Variants in ZBTB10 observed in about 807,000 individuals in gnomAD.
ZBTB10 encodes the protein zinc finger and BTB domain containing 10.
ZBTB10 carries 32 observed loss-of-function variants against 76.4 expected under a neutral mutation model. The observed-to-expected ratio is 0.42, with a 90% CI of 0.32 to 0.56. The LOEUF (loss-of-function observed/expected upper bound fraction) is 0.56, where lower values mean the gene tolerates loss of function less well. Among genes scored for constraint, ZBTB10 ranks in the 20% least tolerant of loss-of-function variants. The pLI, the probability that ZBTB10 is intolerant of heterozygous loss-of-function variation, is 0.14. For missense variants in ZBTB10, 1,057 were observed against 1,098.5 expected, an observed-to-expected ratio of 0.96 and a Z score of 0.53; for synonymous variants, 523 against 432.9, an observed-to-expected ratio of 1.21 and a Z score of -2.58.
intron 2 of ZBTB10, among the ~76,000 whole-genome samples, chr8:80,504,827 A>G (rs1816010246): frequency 6.6e-6 from 1 of 152,238 alleles, no homozygotes; most frequent in Non-Finnish European, 1.5e-5. Flanking sequence ...CAAATAAAGT[A>G]GATAACCTGA....
intron 1 of ZBTB10, among the ~76,000 whole-genome samples, chr8:80,493,196 C>CGCGCGCGCGCGT (rs1050135629): frequency 6.6e-5 from 7 of 106,772 alleles, no homozygotes; most frequent in African/African-American, 2.4e-4. Flanking sequence ...CCTCAAAACG[C>CGCGCGCGCGCGT]GCGCGCGCGC....
chr8:80,500,514 A>G (rs1815895164), intron 2 of ZBTB10, 132 bp downstream of exon 2: 2 of 925,056 alleles, frequency 2.2e-6, no homozygotes, highest in Non-Finnish European at 3.1e-6. Context: ...AGAAGGGGGA[A>G]CGTCATTCAA....
intron 5 of ZBTB10, 100 bp downstream of exon 5, chr8:80,519,054 T>C: frequency 7.0e-7 from 1 of 1,438,818 alleles, no homozygotes; most frequent in Non-Finnish European, 9.2e-7. Flanking sequence ...TAAGGAAGAT[T>C]GTCTCCTAAA....
chr8:80,514,842 C>G (rs781231622), intron 3 of ZBTB10, among the ~76,000 whole-genome samples: 5 of 152,226 alleles, frequency 3.3e-5, no homozygotes, highest in African/African-American at 7.2e-5. Context: ...TGGCATACAA[C>G]ATTTCCTATG....
intron 1 of ZBTB10, among the ~76,000 whole-genome samples, chr8:80,493,207 G>GCGCGCGCGCACACACACACACA (rs375071529): frequency 8.0e-6 from 1 of 125,244 alleles, no homozygotes; most frequent in Non-Finnish European, 1.7e-5. Context: ...GCGCGCGCGC[G>GCGCGCGCGCACACACACACACA]CACACACACA....
In ZBTB10 at chr8:80,487,187, G is replaced by C; in HGVS notation, c.377G>C (p.Arg126Pro). The C allele has an allele frequency of 6.5e-7, 1 of 1,536,864 alleles. No homozygotes were observed. Among genetic ancestry groups the C allele is most frequent in the Non-Finnish European group, 8.7e-7 (1 of 1,143,598 alleles). Residue 126 changes from arginine to proline, a missense_variant, in exon 1 of 6, where the codon CGA (arginine) becomes CCA (proline). Physicochemically the swap from Arg to Pro is moderately radical, Grantham distance 103. Around this residue, in one of 5 missense-constraint regions of ZBTB10, gnomAD observed 556 missense variants for 451.7 expected, o/e 1.23. Transcript: ENST00000455036. ...AGGAACCGTCGGACTCTGGCCTTCC[G>C]AGGCGGCGGCGGCGGGGGTCTCGGC... ...AERNRRTLAF[R>P]GGGGGGLGNN...
intron 5 of ZBTB10, 99 bp downstream of exon 5, chr8:80,519,053 T>A: frequency 7.0e-7 from 1 of 1,436,382 alleles, no homozygotes; most frequent in Non-Finnish European, 9.2e-7. Context: ...TTAAGGAAGA[T>A]TGTCTCCTAA....
At chr8:80,498,477 T>G (rs1387480276) in intron 1 of ZBTB10, among the ~76,000 whole-genome samples, 3 of 152,250 alleles carry the variant, frequency 2.0e-5, no homozygotes, top group Non-Finnish European at 4.4e-5. Context: ...GGGAAAGAGA[T>G]GATTACTTCA....
chr8:80,486,250 G>T lies in ZBTB10; in HGVS notation c.-561G>T, dbSNP rs1302865939. 9 of 1,027,448 alleles carry T rather than the reference G, an allele frequency of 8.8e-6. No individual in the cohort carries two copies. The highest frequency in any genetic ancestry group is 1.0e-5 in the Non-Finnish European group (9 of 858,528). The allele number at this position is 1,027,448 out of a possible 1,614,324, so 63.6% of individuals were successfully genotyped here. A position where few individuals can be genotyped will look rare whatever the true frequency, so the allele number is the denominator to read the frequency against. On this transcript the variant is annotated 5_prime_UTR_variant, in exon 1 of 6. Transcript: ENST00000455036. ...CATTTGCCATTCGACCTCCGCCAGGGCCTGGTCGGACGGAAACGCTCCGCC... is the reference window on the plus strand; with the variant it reads ...CATTTGCCATTCGACCTCCGCCAGGTCCTGGTCGGACGGAAACGCTCCGCC...
rs1169965718 is a variant in ZBTB10, at chr8:80,486,990, G to A, written c.180G>A (p.Gly60=). ...PAPPALQPPN[G]RGADEEVELE... ...CGCCCGCGCTTCAGCCGCCTAATGG[G>A]CGGGGGGCCGACGAGGAAGTGGAAT... The change falls in exon 1 of 6, where the codon GGG becomes GGA. Residue 60 remains glycine, a synonymous_variant. Coordinates refer to ENST00000455036, the MANE Select transcript of ZBTB10 (RefSeq NM_001105539.3). 6.6e-7 allele frequency: 1 copy of A among 1,514,640 alleles called. No individual in the cohort carries two copies. Among genetic ancestry groups the A allele is most frequent in the Non-Finnish European group, 8.8e-7 (1 of 1,136,522 alleles). 93.8% of individuals were successfully genotyped at this position (1,514,640 alleles called of 1,614,324 possible).
At chr8:80,486,083 C>A, upstream of ZBTB10, 1 of 998,994 alleles carries the variant, frequency 1.0e-6, no homozygotes, top group Non-Finnish European at 1.3e-6. Context: ...CGCAGCCCAG[C>A]CCCTTTCCCG....
At chr8:80,503,301 G>A (rs1815970540) in intron 2 of ZBTB10, among the ~76,000 whole-genome samples, 1 of 152,100 alleles carries the variant, frequency 6.6e-6, no homozygotes, top group South Asian at 2.1e-4. Context: ...ATTCATATCA[G>A]TTTTCCGGTG....
intron 2 of ZBTB10, among the ~76,000 whole-genome samples, chr8:80,511,534 C>CTG (rs769130806): frequency 1.1e-3 from 170 of 152,260 alleles, no homozygotes; most frequent in Non-Finnish European, 1.9e-3. Context: ...CTTGCCCAGG[C>CTG]TGTAGTATAG....
chr8:80,525,876 A>G lies in ZBTB10; in HGVS notation c.*6348A>G, dbSNP rs1425174805. ...AGTATCATATGGCATGTAGCTATCA[A>G]GCCAGTTTCGTTTAGTTATTTTGTG... On this transcript the variant is annotated 3_prime_UTR_variant, in exon 6 of 6. Transcript: ENST00000455036. 1 of 152,172 alleles carries G rather than the reference A, an allele frequency of 6.6e-6. No individual in the cohort carries two copies. The highest frequency in any genetic ancestry group is 2.4e-5 in the African/African-American group (1 of 41,440). The allele number at this position is 152,172 out of a possible 1,614,324, so 9.4% of individuals were successfully genotyped here.
intron 3 of ZBTB10, among the ~76,000 whole-genome samples, chr8:80,517,600 A>C (rs559455367): frequency 2.0e-5 from 3 of 152,138 alleles, no homozygotes; most frequent in Non-Finnish European, 4.4e-5. Context: ...AGAACTTTAC[A>C]TTTTTAATTA....
At chr8:80,498,530 G>A (rs1323571232) in intron 1 of ZBTB10, among the ~76,000 whole-genome samples, 2 of 152,268 alleles carry the variant, frequency 1.3e-5, no homozygotes, top group East Asian at 3.9e-4. Flanking sequence ...AAGTGCTGGA[G>A]GGATATTCAG....
chr8:80,507,109 A>G (rs1417197385), intron 2 of ZBTB10, among the ~76,000 whole-genome samples: 2 of 151,590 alleles, frequency 1.3e-5, no homozygotes, highest in South Asian at 2.1e-4. Flanking sequence ...AGAGATCGAG[A>G]TCATCCTGGC....
At chr8:80,488,734 T>G (rs1815548015) in intron 1 of ZBTB10, among the ~76,000 whole-genome samples, 1 of 152,232 alleles carries the variant, frequency 6.6e-6, no homozygotes, top group Non-Finnish European at 1.5e-5. Context: ...AAACAGATGT[T>G]GATCAGTCCT....
rs1302946459 is a variant in ZBTB10 at position 80,487,737 on chromosome 8, G to T, written c.927G>T (p.Arg309Ser). ...TRNYKKTLLL[R>S]HHVSTEHKLH... ...ACTACAAGAAAACCCTCCTCCTGAG[G>T]CACCACGTCTCTACCGAGCACAAAC... The change falls in exon 1 of 6, where the codon AGG (arginine) becomes AGT (serine). Residue 309 changes from arginine (R) to serine (S), a missense_variant. Around this residue, in one of 5 missense-constraint regions of ZBTB10, gnomAD observed 556 missense variants for 451.7 expected, o/e 1.23. Transcript: ENST00000455036. 1.2e-6 allele frequency: 2 copies of T among 1,612,044 alleles called. No individual in the cohort carries two copies. The highest frequency in any genetic ancestry group is 1.3e-5 in the African/African-American group (1 of 74,852).
Sources: allele counts gnomAD v4.1 joint callset (sites outside exome capture counted in the v4.1 genomes callset), GRCh38; gene constraint gnomAD v4.1.1; regional missense constraint gnomAD v4.1.1; transcripts MANE v1.5; gene names NCBI Gene and HGNC (gene_info 2026-07-23, HGNC 2026-07-21).